The following NRG1 variants were observed in gnomAD, a reference collection of about 807,000 sequenced individuals.
NRG1 encodes neuregulin 1, also known as pro-neuregulin-1, membrane-bound isoform.
NRG1 carries 18 observed loss-of-function variants against 63.8 expected under a neutral mutation model. The ratio of observed to expected loss-of-function variants is 0.28; its 90% CI spans 0.19 to 0.42. The LOEUF is 0.42. NRG1 is among the 10% of genes least tolerant of loss of function. The pLI is 1.00. For synonymous variants in NRG1, 302 were observed against 301.3 expected, an observed-to-expected ratio of 1.00 and a Z score of -0.02; for missense variants, 762 against 814.7, an observed-to-expected ratio of 0.94 and a Z score of 0.79.
intron 1 of NRG1, among the ~76,000 whole-genome samples, chr8:31,882,258 C>T (rs764711517): frequency 1.6e-4 from 23 of 148,124 alleles, no homozygotes; most frequent in Admixed American, 6.9e-4. Context: ...AGCCTGGATG[C>T]CAGCACATCT....
intron 1 of NRG1, among the ~76,000 whole-genome samples, chr8:31,888,221 G>A (rs925922188): frequency 6.6e-6 from 1 of 151,782 alleles, no homozygotes; most frequent in African/African-American, 2.4e-5. Flanking sequence ...TGGAACTCAC[G>A]CTGAAGTAGC....
At chr8:32,166,451 AT>A (rs1839413786) in intron 1 of NRG1, among the ~76,000 whole-genome samples, 1 of 151,874 alleles carries the variant, frequency 6.6e-6, no homozygotes, top group Admixed American at 6.6e-5. Context: ...CTACGGATTC[AT>A]TTTTTTTCTC....
At chr8:31,955,961 A>C (rs1804294711) in intron 1 of NRG1, among the ~76,000 whole-genome samples, 1 of 150,798 alleles carries the variant, frequency 6.6e-6, no homozygotes, top group Admixed American at 6.6e-5. Flanking sequence ...GGACCACTTT[A>C]ATCTGGGAGA....
intron 1 of NRG1, among the ~76,000 whole-genome samples, chr8:32,122,799 A>C (rs936523792): frequency 5.6e-5 from 8 of 143,260 alleles, no homozygotes; most frequent in South Asian, 2.3e-4. Flanking sequence ...AACAGTCCCC[A>C]GAGTGTGATG....
chr8:32,292,443 A>G (rs1704438522), intron 1 of NRG1, among the ~76,000 whole-genome samples: 1 of 152,190 alleles, frequency 6.6e-6, no homozygotes, highest in Non-Finnish European at 1.5e-5. Flanking sequence ...AGCCAAACTG[A>G]CGGTTTGGAA....
chr8:31,659,501 T>A (rs1190718471), intron 1 of NRG1, among the ~76,000 whole-genome samples: 1 of 152,048 alleles, frequency 6.6e-6, no homozygotes, highest in Non-Finnish European at 1.5e-5. Context: ...GGGGGATACC[T>A]CCTTTCTGAA....
At chr8:32,662,126 G>A (rs1803011880) in intron 5 of NRG1, among the ~76,000 whole-genome samples, 2 of 152,172 alleles carry the variant, frequency 1.3e-5, no homozygotes, top group African/African-American at 2.4e-5. Context: ...CCCCAAAAGT[G>A]TGTACATCTC....
At position 31,897,881 on chromosome 8, in the gene NRG1, G is replaced by A. The variant is rs113095557; in HGVS notation, c.37+258450G>A. ...AATACAAAAAAAAAATGAGCTAGGC[G>A]TGGTGGTGGGTGCCTGTAATCTCAG... is the stretch of plus-strand genomic sequence containing the variant. On this transcript the variant is annotated intron_variant, in intron 1 of 10. Transcript: ENST00000519301. Among the ~76,000 whole-genome samples, 35 of 149,558 alleles carry A rather than the reference G, an allele frequency of 2.3e-4. No individual in the cohort carries two copies. In the South Asian group the frequency reaches 2.4e-3, roughly 10 times the overall value.
At chr8:32,523,573 A>C (rs1830535427) in intron 1 of NRG1, among the ~76,000 whole-genome samples, 1 of 152,184 alleles carries the variant, frequency 6.6e-6, no homozygotes, top group African/African-American at 2.4e-5. Context: ...TTTAATAGTG[A>C]AAAGGAGTTT....
chr8:32,450,807 GA>G (rs1820858145), intron 1 of NRG1, among the ~76,000 whole-genome samples: 1 of 152,172 alleles, frequency 6.6e-6, no homozygotes, highest in South Asian at 2.1e-4. Context: ...TATGAGCCAG[GA>G]AAGAGATGGT....
At chr8:31,915,675 A>G (rs550358019) in intron 1 of NRG1, among the ~76,000 whole-genome samples, 2 of 152,114 alleles carry the variant, frequency 1.3e-5, no homozygotes, top group South Asian at 2.1e-4. Context: ...CTCATTTTAT[A>G]TCCTTTACAA....
chr8:32,549,989 G>A (rs1344176857), intron 1 of NRG1, among the ~76,000 whole-genome samples: 1 of 152,198 alleles, frequency 6.6e-6, no homozygotes, highest in Non-Finnish European at 1.5e-5. Flanking sequence ...TGTGGCTACA[G>A]TAATACTGTA....
intron 1 of NRG1, among the ~76,000 whole-genome samples, chr8:32,402,151 G>A (rs1799167126): frequency 6.6e-6 from 1 of 152,156 alleles, no homozygotes; most frequent in South Asian, 2.1e-4. Flanking sequence ...AACCTGAGGT[G>A]ATCTGCCCAC....
At chr8:31,771,488 C>T (rs970034724) in intron 1 of NRG1, among the ~76,000 whole-genome samples, 2 of 152,120 alleles carry the variant, frequency 1.3e-5, no homozygotes, top group African/African-American at 2.4e-5. Context: ...TCATTTAAGA[C>T]TTAACTCCAT....
intron 1 of NRG1, among the ~76,000 whole-genome samples, chr8:32,144,810 C>T (rs1212680478): frequency 1.3e-5 from 2 of 152,084 alleles, no homozygotes; most frequent in Non-Finnish European, 2.9e-5. Context: ...GATTCTTAGA[C>T]CTCCACTGGA....
At chr8:32,500,105 G>A (rs1283666035) in intron 1 of NRG1, among the ~76,000 whole-genome samples, 1 of 152,106 alleles carries the variant, frequency 6.6e-6, no homozygotes, top group African/African-American at 2.4e-5. Flanking sequence ...CTTGTGTCTG[G>A]CAACTGAGTC....
intron 1 of NRG1, among the ~76,000 whole-genome samples, chr8:32,389,482 C>T (rs886522338): frequency 2.6e-5 from 4 of 152,096 alleles, no homozygotes; most frequent in African/African-American, 9.7e-5. Context: ...TATGTGCCAA[C>T]TCTCTCTTCT....
intron 1 of NRG1, among the ~76,000 whole-genome samples, chr8:32,256,092 C>T (rs889486649): frequency 6.6e-6 from 1 of 152,152 alleles, no homozygotes; most frequent in Non-Finnish European, 1.5e-5. Context: ...AGTGGTTATT[C>T]TAGTAAGCAA....
At chr8:31,791,205 C>CAA (rs35966484) in intron 1 of NRG1, among the ~76,000 whole-genome samples, 6,806 of 98,520 alleles carry the variant, frequency 0.069, 470 homozygotes, top group African/African-American at 0.21. Context: ...GAAACTGTGC[C>CAA]AAAAAAAAAA....
Sources: allele counts gnomAD v4.1 joint callset (sites outside exome capture counted in the v4.1 genomes callset), GRCh38; gene constraint gnomAD v4.1.1; transcripts MANE v1.5; gene names NCBI Gene and HGNC (gene_info 2026-07-23, HGNC 2026-07-21).